Variants in IGDCC3 observed in about 807,000 individuals in gnomAD.
The protein encoded by IGDCC3 is putative neuronal cell adhesion molecule.
A neutral mutation model predicts 72.0 loss-of-function variants in IGDCC3; 47 were observed. The ratio of observed to expected loss-of-function variants is 0.65; its 90% confidence interval spans 0.52 to 0.83. IGDCC3 has a LOEUF of 0.83. IGDCC3 is among the 40% of genes least tolerant of loss of function. IGDCC3 has a pLI of 0.00. For missense variants in IGDCC3, 1,038 were observed against 1,091.3 expected, an observed-to-expected ratio of 0.95 and a Z score of 0.69; for synonymous variants, 477 against 472.8, an observed-to-expected ratio of 1.01 and a Z score of -0.11.
At chr15:65,371,275 CAGAT>C (rs1371329546) in intron 2 of IGDCC3, among the ~76,000 whole-genome samples, 5 of 152,248 alleles carry the variant, frequency 3.3e-5, no homozygotes, top group Admixed American at 1.3e-4. Context: ...ATAGCCCTGA[CAGAT>C]GGATGGAATG....
rs2090945410 is a variant in IGDCC3, at chr15:65,328,717, C to T, written c.*192G>A. The T allele has an allele frequency of 9.3e-6, 5 of 535,380 alleles. No individual in the cohort carries two copies. Among genetic ancestry groups the T allele is most frequent in the Non-Finnish European group, 1.5e-5 (5 of 340,288 alleles). The allele number at this position is 535,380 out of a possible 1,614,324, so 33.2% of individuals were successfully genotyped here. On this transcript the variant is annotated 3_prime_UTR_variant, in exon 14 of 14. Coordinates refer to ENST00000327987, the MANE Select transcript of IGDCC3 (RefSeq NM_004884.4). The stretch of plus-strand genomic sequence containing the variant: ...CAGGCTCCTGCAGGAACTGCTCCAA[C>T]TCCTGATGGGTGTTAGGGCCGGGGG...
At chr15:65,368,170 A>T (rs747237011) in intron 2 of IGDCC3, among the ~76,000 whole-genome samples, 2,683 of 143,998 alleles carry the variant, frequency 0.019, 42 homozygotes, top group Middle Eastern at 0.026. Flanking sequence ...TCACACACAC[A>T]CACACACACA....
At chr15:65,368,742 C>T (rs990665738) in intron 2 of IGDCC3, among the ~76,000 whole-genome samples, 2 of 152,226 alleles carry the variant, frequency 1.3e-5, no homozygotes, top group South Asian at 4.2e-4. Flanking sequence ...GAGATAAACA[C>T]GCGGCAGCAG....
Position 65,336,342 on chromosome 15 carries a change from C to T in IGDCC3, c.410-386G>A, listed in dbSNP as rs141362543. On this transcript the variant is annotated intron_variant, in intron 2 of 13. Transcript: ENST00000327987. ...GCCCCACACCCCACTTTTTCAGCAG[C>T]TTTCAGATTCGTTTTTGTAAATTCT... is the stretch of plus-strand genomic sequence containing the variant. Among the ~76,000 whole-genome samples the T allele has an allele frequency of 4.5e-3, 682 of 152,274 alleles. 3 individuals carry two copies. Among genetic ancestry groups the T allele is most frequent in the Admixed American group, 7.6e-3 (117 of 15,296 alleles).
chr15:65,376,363 GT>G (rs991941363), intron 1 of IGDCC3, among the ~76,000 whole-genome samples: 21 of 152,342 alleles, frequency 1.4e-4, no homozygotes, highest in Non-Finnish European at 2.6e-4. Flanking sequence ...ATGATGCCAA[GT>G]CACCAACTTC....
chr15:65,374,405 CCA>C (rs1419146414), intron 2 of IGDCC3, among the ~76,000 whole-genome samples: 1 of 152,140 alleles, frequency 6.6e-6, no homozygotes, highest in Admixed American at 6.5e-5. Context: ...GGCAGTTAAA[CCA>C]CAGTCATCAT....
rs1444982541 is a variant in IGDCC3, at chr15:65,355,908, C to A, written c.409+19189G>T. 15 of 304,090 alleles carry A rather than the reference C, an allele frequency of 4.9e-5. 1 individual carries two copies. Among genetic ancestry groups the A allele is most frequent in the South Asian group, 3.3e-4 (15 of 45,984 alleles). 18.8% of individuals were successfully genotyped at this position (304,090 alleles called of 1,614,324 possible). On this transcript the variant is annotated intron_variant, in intron 2 of 13. Coordinates refer to ENST00000327987, the MANE Select transcript of IGDCC3 (RefSeq NM_004884.4). ...CAGCTGGGCCCGGCCCCGGCGCACT[C>A]GCGGCGGCGGAGGGAAACTGAGGAA...
Position 65,375,089 on chromosome 15 carries a change from C to T in IGDCC3, c.409+8G>A, listed in dbSNP as rs765319642. On this transcript the variant is annotated splice_region_variant and intron_variant, in intron 2 of 13. Transcript: ENST00000327987. Reference sequence around the variant, plus strand: ...TACACAAAGGGAAAACAAGGGATATCCACTTACTTGCAGCTTGGATGCGAG... The same window carrying T: ...TACACAAAGGGAAAACAAGGGATATTCACTTACTTGCAGCTTGGATGCGAG... 1 of 1,608,662 alleles carries T rather than the reference C, an allele frequency of 6.2e-7. No homozygotes were observed. The highest frequency in any genetic ancestry group is 8.5e-7 in the Non-Finnish European group (1 of 1,176,462).
At chr15:65,335,125 G>A (rs376376049) in intron 4 of IGDCC3, among the ~76,000 whole-genome samples, 166 bp downstream of exon 4, 3 of 152,316 alleles carry the variant, frequency 2.0e-5, no homozygotes, top group African/African-American at 4.8e-5. Flanking sequence ...CAGAGATCCA[G>A]CCTTAGATTC....
chr15:65,362,174 T>C (rs1278430135), intron 2 of IGDCC3, among the ~76,000 whole-genome samples: 2 of 150,332 alleles, frequency 1.3e-5, no homozygotes, highest in African/African-American at 2.5e-5. Flanking sequence ...AGGATGAAAA[T>C]GGGGTAGTGT....
intron 2 of IGDCC3, among the ~76,000 whole-genome samples, chr15:65,359,274 G>T (rs1206328275): frequency 6.6e-6 from 1 of 152,120 alleles, no homozygotes. Flanking sequence ...CAGCAACTTG[G>T]GTTCACAGAA....
intron 2 of IGDCC3, among the ~76,000 whole-genome samples, chr15:65,348,677 C>T (rs1595757702): frequency 6.6e-6 from 1 of 152,150 alleles, no homozygotes; most frequent in Non-Finnish European, 1.5e-5. Flanking sequence ...CTTGACCGAC[C>T]CCGGGTTAGA....
At position 65,330,392 on chromosome 15, in the gene IGDCC3, T is replaced by G; in HGVS notation, c.1759A>C (p.Thr587Pro). The change falls in exon 11 of 14, where the codon ACT becomes CCT. Residue 587 changes from threonine to proline, a missense_variant. Transcript: ENST00000327987. ...AGCAGCTTCACCTCATACACTGCAG[T>G]GGGGTCTGGAGGAAGGCAGGGCGGA... The part of the protein sequence containing the change: ...SSYNLSQLDP[T>P]AVYEVKLLAY... 3 of 1,612,100 alleles carry G rather than the reference T, an allele frequency of 1.9e-6. No homozygotes were observed. The highest frequency in any genetic ancestry group is 2.5e-6 in the Non-Finnish European group (3 of 1,178,510).
chr15:65,334,689 C>A (rs757889928), intron 5 of IGDCC3, 39 bp downstream of exon 5: 1 of 1,499,152 alleles, frequency 6.7e-7, no homozygotes, highest in East Asian at 2.5e-5. Context: ...GGGGGTGGGA[C>A]AGGCTGGGAG....
chr15:65,369,061 A>G (rs544179868), intron 2 of IGDCC3, among the ~76,000 whole-genome samples: 21 of 152,358 alleles, frequency 1.4e-4, no homozygotes, highest in South Asian at 4.1e-4. Flanking sequence ...TTACTTAACA[A>G]TGCAAGCAGC....
chr15:65,355,978 G>A (rs779656600), intron 2 of IGDCC3: 1 of 268,102 alleles, frequency 3.7e-6, no homozygotes, highest in Non-Finnish European at 7.8e-6. Context: ...ACCTTCCGTG[G>A]AAGCTGGGCG....
intron 2 of IGDCC3, chr15:65,355,769 G>T (rs1187211332): frequency 2.2e-6 from 1 of 453,726 alleles, no homozygotes; most frequent in East Asian, 7.1e-5. Flanking sequence ...TGTGCGCGGC[G>T]AATGGAGAAA....
In IGDCC3 at chr15:65,330,724, G is replaced by A. The variant is rs2090969475; in HGVS notation, c.1579C>T (p.Leu527=). 1.2e-6 allele frequency: 2 copies of A among 1,609,232 alleles called. No homozygotes were observed. Among genetic ancestry groups the A allele is most frequent in the Non-Finnish European group, 1.7e-6 (2 of 1,177,552 alleles). The change falls in exon 10 of 14, where the codon CTG becomes TTG. Residue 527 remains leucine, a synonymous_variant. Coordinates refer to ENST00000327987, the MANE Select transcript of IGDCC3 (RefSeq NM_004884.4). ...TLGEAPAPPP[L]SVRVLGSSSL... is the part of the protein sequence containing the mutation. ...GAGCTGCCCAGGACTCGCACTGACAGTGGGGGTGGGGCAGGGGCTGCAGGT... is the reference window on the plus strand; with the variant it reads ...GAGCTGCCCAGGACTCGCACTGACAATGGGGGTGGGGCAGGGGCTGCAGGT...
At position 65,330,578 on chromosome 15, in the gene IGDCC3, G is replaced by C. The variant is rs16948657; in HGVS notation, c.1725C>G (p.Thr575=). The C allele has an allele frequency of 1.9e-6, 3 of 1,613,514 alleles. No individual in the cohort carries two copies. The highest frequency in any genetic ancestry group is 1.7e-6 in the Non-Finnish European group (2 of 1,179,984). Residue 575 remains threonine, a synonymous_variant, in exon 10 of 14, where the codon ACC becomes ACG. Coordinates refer to ENST00000327987, the MANE Select transcript of IGDCC3 (RefSeq NM_004884.4). ...GCTGGCTGAGGTTGTAGGAGGAGAC[G>C]GTTCCAGGCAGCAGGATGGGGCCGG... ...SFTGPILLPG[T]VSSYNLSQLD...
Sources: gnomAD v4.1 joint callset for allele counts (sites outside exome capture counted in the v4.1 genomes callset) on GRCh38, gnomAD v4.1.1 for gene constraint, MANE v1.5 for transcripts, NCBI Gene and HGNC (gene_info 2026-07-23, HGNC 2026-07-21) for gene names.